Variants in FAM227B observed in about 807,000 individuals in gnomAD.
FAM227B encodes the protein protein FAM227B.
A neutral mutation model predicts 73.8 loss-of-function variants in FAM227B; 88 were observed. That is an observed-to-expected ratio of 1.19 (90% confidence interval 1.00 to 1.42). The LOEUF (loss-of-function observed/expected upper bound fraction) is 1.42, where lower values mean the gene tolerates loss of function less well. FAM227B is among the 40% of genes most tolerant of loss of function. FAM227B has a pLI of 0.00. For missense variants in FAM227B, 632 were observed against 590.9 expected (o/e 1.07, Z -0.72); for synonymous variants, 210 against 190.5 (o/e 1.10, Z -0.84).
intron 11 of FAM227B, among the ~76,000 whole-genome samples, chr15:49,456,090 A>C (rs550966865): frequency 7.1e-4 from 108 of 152,280 alleles, no homozygotes; most frequent in Non-Finnish European, 1.3e-3. Flanking sequence ...AGACATTCTA[A>C]AATGTTAAAA....
chr15:49,366,414 GCAC>G lies in FAM227B; in HGVS notation c.1271+1031_1271+1033del. The G allele has an allele frequency of 2.4e-6, 2 of 843,756 alleles. 1 individual carries two copies. Among genetic ancestry groups the G allele is most frequent in the Non-Finnish European group, 4.2e-6 (2 of 478,930 alleles). The allele number at this position is 843,756 out of a possible 1,614,324, so 52.3% of individuals were successfully genotyped here. ...TCAAGAAAATGGCAGCTGCCCCATT[GCAC>G]CACAACTGCTTTGTTCTTTATGTCA... On this transcript the variant is annotated intron_variant, in intron 13 of 15. Coordinates refer to ENST00000299338, the MANE Select transcript of FAM227B (RefSeq NM_152647.3).
At chr15:49,433,144 C>T (rs1319606974) in intron 11 of FAM227B, among the ~76,000 whole-genome samples, 1 of 151,316 alleles carries the variant, frequency 6.6e-6, no homozygotes, top group African/African-American at 2.4e-5. Flanking sequence ...TTAATCTCCA[C>T]ATTCTTCAAA....
Position 49,329,379 on chromosome 15 carries a change from G to GAGAT in FAM227B, c.1420-708_1420-705dup, listed in dbSNP as rs1438481927. 3 of 985,174 alleles carry GAGAT rather than the reference G, an allele frequency of 3.0e-6. No homozygotes were observed. The African/African-American group carries it at 5.2e-5, about 17-fold the overall frequency. The allele number at this position is 985,174 out of a possible 1,614,324, so 61.0% of individuals were successfully genotyped here. A position where few individuals can be genotyped will look rare whatever the true frequency, so the allele number is the denominator to read the frequency against. On this transcript the variant is annotated intron_variant, in intron 15 of 15. Transcript: ENST00000299338. ...ATTTTGCTGAAATACTCAGGTAATT[G>GAGAT]AGATAGCAATGGTTTTATGGCATGA...
intron 13 of FAM227B, among the ~76,000 whole-genome samples, chr15:49,362,603 T>A (rs1042939880): frequency 6.6e-6 from 1 of 152,224 alleles, no homozygotes; most frequent in Non-Finnish European, 1.5e-5. Context: ...GGTCTTTTGC[T>A]GCGCAGAAGG....
intron 11 of FAM227B, among the ~76,000 whole-genome samples, chr15:49,391,368 T>C (rs889981855): frequency 6.6e-6 from 1 of 152,060 alleles, no homozygotes; most frequent in Non-Finnish European, 1.5e-5. Context: ...TCCAGGCATA[T>C]AGCTAGCCTC....
At chr15:49,542,613 C>A (rs1223797336) in intron 9 of FAM227B, among the ~76,000 whole-genome samples, 16 of 151,808 alleles carry the variant, frequency 1.1e-4, no homozygotes, top group Admixed American at 1.1e-3. Flanking sequence ...TCTTGAGTTA[C>A]TCCACTTAGA....
intron 13 of FAM227B, among the ~76,000 whole-genome samples, chr15:49,338,513 T>C (rs2040163215): frequency 6.6e-6 from 1 of 152,262 alleles, no homozygotes; most frequent in Non-Finnish European, 1.5e-5. Flanking sequence ...TCTGGTGGGC[T>C]TCCCTTTGTG....
At chr15:49,464,743 A>G (rs1325549162) in intron 11 of FAM227B, among the ~76,000 whole-genome samples, 1 of 152,228 alleles carries the variant, frequency 6.6e-6, no homozygotes, top group African/African-American at 2.4e-5. Flanking sequence ...GAAGAATGTA[A>G]GACACAAAAC....
intron 10 of FAM227B, among the ~76,000 whole-genome samples, chr15:49,517,157 T>G (rs564284940): frequency 2.0e-5 from 3 of 152,294 alleles, no homozygotes; most frequent in African/African-American, 7.2e-5. Flanking sequence ...AATAGAAAAC[T>G]AATACAGCCT....
chr15:49,507,822 T>C (rs1330178318), intron 11 of FAM227B, among the ~76,000 whole-genome samples: 1 of 151,892 alleles, frequency 6.6e-6, no homozygotes, highest in African/African-American at 2.4e-5. Flanking sequence ...AAAATACAGG[T>C]AGGTATTTTT....
chr15:49,345,617 T>A (rs1453431414), intron 13 of FAM227B, among the ~76,000 whole-genome samples: 3 of 152,222 alleles, frequency 2.0e-5, no homozygotes, highest in African/African-American at 4.8e-5. Flanking sequence ...ACCATCTGAA[T>A]TGGCCTCATA....
At chr15:49,607,144 A>G (rs2077571007) in intron 3 of FAM227B, among the ~76,000 whole-genome samples, 2 of 152,180 alleles carry the variant, frequency 1.3e-5, no homozygotes, top group African/African-American at 2.4e-5. Flanking sequence ...AAGCAATCCT[A>G]AACTCATCAT....
chr15:49,411,799 G>A (rs987507568), intron 11 of FAM227B, among the ~76,000 whole-genome samples: 1 of 152,014 alleles, frequency 6.6e-6, no homozygotes, highest in Non-Finnish European at 1.5e-5. Context: ...TTCAAATTGG[G>A]CTTTGAATTC....
intron 9 of FAM227B, among the ~76,000 whole-genome samples, chr15:49,557,445 T>G (rs1321909938): frequency 6.6e-6 from 1 of 152,192 alleles, no homozygotes. Flanking sequence ...TGCTTTCCTC[T>G]TTTAGAAAGT....
At chr15:49,601,388 T>C (rs972348916) in intron 3 of FAM227B, among the ~76,000 whole-genome samples, 8 of 152,074 alleles carry the variant, frequency 5.3e-5, no homozygotes, top group African/African-American at 1.4e-4. Context: ...ATGTACCACA[T>C]ACAAAAACTC....
intron 14 of FAM227B, among the ~76,000 whole-genome samples, chr15:49,334,616 T>C (rs984068003): frequency 6.6e-6 from 1 of 151,864 alleles, no homozygotes; most frequent in African/African-American, 2.4e-5. Flanking sequence ...GACGTACACA[T>C]GCGTCTGTGG....
intron 11 of FAM227B, among the ~76,000 whole-genome samples, chr15:49,413,772 A>G (rs1456824343): frequency 1.3e-5 from 2 of 151,744 alleles, no homozygotes; most frequent in Non-Finnish European, 2.9e-5. Flanking sequence ...CCCTTTGTTC[A>G]GTATACTCCA....
At chr15:49,392,503 C>A (rs1401687459) in intron 11 of FAM227B, among the ~76,000 whole-genome samples, 1 of 152,104 alleles carries the variant, frequency 6.6e-6, no homozygotes, top group African/African-American at 2.4e-5. Context: ...AAAATGAATT[C>A]AGGCAGTGGA....
At chr15:49,364,780 T>C (rs1022801095) in intron 13 of FAM227B, among the ~76,000 whole-genome samples, 2 of 152,114 alleles carry the variant, frequency 1.3e-5, no homozygotes, top group African/African-American at 4.8e-5. Flanking sequence ...CTCACTTTGA[T>C]AGTAATACTT....
Sources: allele counts gnomAD v4.1 joint callset (sites outside exome capture counted in the v4.1 genomes callset), GRCh38; gene constraint gnomAD v4.1.1; transcripts MANE v1.5; gene names NCBI Gene and HGNC (gene_info 2026-07-23, HGNC 2026-07-21).